The following GABRG1 variants were observed in gnomAD, a reference collection of about 807,000 sequenced individuals.
GABRG1 encodes gamma-aminobutyric acid type A receptor subunit gamma1.
A neutral mutation model predicts 49.8 loss-of-function variants in GABRG1; 49 were observed. The observed-to-expected ratio is 0.98, with a 90% CI of 0.78 to 1.25. The LOEUF (loss-of-function observed/expected upper bound fraction) is 1.25, where lower values mean the gene tolerates loss of function less well. Among genes scored for constraint, GABRG1 ranks in the 50% most tolerant of loss-of-function variants. GABRG1 has a pLI of 0.00. For missense variants in GABRG1, 552 were observed against 552.3 expected (o/e 1.00, Z 0.01); for synonymous variants, 232 against 185.1 (o/e 1.25, Z -2.06).
intron 2 of GABRG1, among the ~76,000 whole-genome samples, chr4:46,090,338 C>A (rs1719933174): frequency 1.3e-5 from 2 of 151,834 alleles, no homozygotes; most frequent in Admixed American, 6.6e-5. Context: ...ATAAATGTAC[C>A]TAAAATGCAA....
chr4:46,058,750 T>C lies in GABRG1; in HGVS notation c.626-128A>G, dbSNP rs186085785. ...ATTACAAGATATGCCAAACATAGAA[T>C]ATTTGAATACAATAAATATTAATAA... is the stretch of plus-strand genomic sequence containing the variant. On this transcript the variant is annotated intron_variant, in intron 5 of 8. Transcript: ENST00000295452. The C allele has an allele frequency of 4.4e-4, 290 of 665,910 alleles. 2 individuals are homozygous for C. The East Asian group carries it at 6.6e-3, about 15-fold the overall frequency. The allele number at this position is 665,910 out of a possible 1,614,324, so 41.3% of individuals were successfully genotyped here.
intron 5 of GABRG1, 112 bp from the exon 6 acceptor site, chr4:46,058,734 T>C (rs1718554200): frequency 1.3e-6 from 1 of 744,768 alleles, no homozygotes; most frequent in Non-Finnish European, 2.2e-6. Flanking sequence ...TATTACAAGA[T>C]ATGCCAAACA....
rs1717768617 is a variant in GABRG1, at chr4:46,041,222, C to G, written c.1164G>C (p.Leu388=). The part of the protein sequence containing the change: ...MTPGLHPGST[L]IPMNNISVPQ... ...GCACAGAAATATTATTCATTGGAATCAGAGTGGATCCAGGATGGAGACCAG... is the reference window on the plus strand; with the variant it reads ...GCACAGAAATATTATTCATTGGAATGAGAGTGGATCCAGGATGGAGACCAG... Residue 388 remains leucine, a synonymous_variant, in exon 9 of 9, where the codon CTG becomes CTC. Transcript: ENST00000295452. The G allele has an allele frequency of 2.5e-6, 4 of 1,612,476 alleles. No individual in the cohort carries two copies. Among genetic ancestry groups the G allele is most frequent in the Non-Finnish European group, 3.4e-6 (4 of 1,179,102 alleles).
chr4:46,076,278 A>C (rs980370975), intron 3 of GABRG1, among the ~76,000 whole-genome samples: 2 of 149,018 alleles, frequency 1.3e-5, no homozygotes, highest in Admixed American at 1.4e-4. Context: ...CATTCAACTA[A>C]CATATGTATC....
chr4:46,080,732 T>G (rs1719532909), intron 3 of GABRG1, among the ~76,000 whole-genome samples: 1 of 151,828 alleles, frequency 6.6e-6, no homozygotes, highest in Admixed American at 6.6e-5. Context: ...TATTTTTATT[T>G]AATATATTCA....
chr4:46,109,800 A>T (rs1720664091), intron 1 of GABRG1, among the ~76,000 whole-genome samples: 1 of 151,012 alleles, frequency 6.6e-6, no homozygotes, highest in Non-Finnish European at 1.5e-5. Context: ...AAGTTGTTTA[A>T]TTTCCATATA....
At chr4:46,048,897 A>C (rs1718108890) in intron 8 of GABRG1, among the ~76,000 whole-genome samples, 1 of 151,952 alleles carries the variant, frequency 6.6e-6, no homozygotes, top group South Asian at 2.1e-4. Flanking sequence ...TCTTCCAAAA[A>C]AAACTGAACA....
At chr4:46,120,536 T>C (rs1482092060) in intron 1 of GABRG1, among the ~76,000 whole-genome samples, 1 of 151,668 alleles carries the variant, frequency 6.6e-6, no homozygotes, top group Non-Finnish European at 1.5e-5. Flanking sequence ...TTCCTCTCAG[T>C]CTTTTGCATA....
Position 46,084,012 on chromosome 4 carries a change from T to C in GABRG1, c.295A>G (p.Ile99Val). The C allele has an allele frequency of 6.3e-7, 1 of 1,582,318 alleles. No homozygotes were observed. Among genetic ancestry groups the C allele is most frequent in the Non-Finnish European group, 8.6e-7 (1 of 1,157,670 alleles). The change falls in exon 3 of 9, where the codon ATT becomes GTT. Residue 99 changes from isoleucine to valine, a missense_variant. Coordinates refer to ENST00000295452, the MANE Select transcript of GABRG1 (RefSeq NM_173536.4). ...ATATTAATTGGATCAACTGGTCCAATGCTGTTTACATAAACATCAGTTTCA... is the reference window on the plus strand; with the variant it reads ...ATATTAATTGGATCAACTGGTCCAACGCTGTTTACATAAACATCAGTTTCA... Reference protein sequence around the residue: ...VIETDVYVNSIGPVDPINMEY... With the variant: ...VIETDVYVNSVGPVDPINMEY...
At chr4:46,093,543 G>A (rs560924269) in intron 2 of GABRG1, among the ~76,000 whole-genome samples, 7 of 151,844 alleles carry the variant, frequency 4.6e-5, no homozygotes, top group Admixed American at 6.6e-5. Context: ...ATAGCAGGGT[G>A]ACTACAGTCA....
intron 1 of GABRG1, among the ~76,000 whole-genome samples, chr4:46,109,682 G>A (rs561361755): frequency 6.6e-6 from 1 of 151,028 alleles, no homozygotes; most frequent in Non-Finnish European, 1.5e-5. Context: ...CACTGCTTTT[G>A]CAGCATAACA....
chr4:46,046,528 A>G (rs549062253), intron 8 of GABRG1, among the ~76,000 whole-genome samples: 118 of 152,234 alleles, frequency 7.8e-4, no homozygotes, highest in African/African-American at 2.0e-3. Context: ...GAAAGAATCT[A>G]TAAGTTGTGA....
intron 7 of GABRG1, among the ~76,000 whole-genome samples, chr4:46,055,804 G>C (rs1718398713): frequency 3.7e-4 from 1 of 2,696 alleles, no homozygotes; most frequent in South Asian, 5.5e-3. Context: ...TCCTTTGTAG[G>C]GACATGGATG....
intron 7 of GABRG1, among the ~76,000 whole-genome samples, chr4:46,056,123 GGA>G (rs1718417408): frequency 2.3e-4 from 1 of 4,272 alleles, no homozygotes; most frequent in Non-Finnish European, 4.4e-4. Flanking sequence ...AAAAAAGAAA[GGA>G]AAAAAAAAAA....
At chr4:46,046,287 T>C (rs1275291904) in intron 8 of GABRG1, among the ~76,000 whole-genome samples, 1 of 152,094 alleles carries the variant, frequency 6.6e-6, no homozygotes, top group Non-Finnish European at 1.5e-5. Context: ...TTAAGCAGTG[T>C]TCTTTGGTAG....
At chr4:46,117,539 A>C (rs1298570961) in intron 1 of GABRG1, among the ~76,000 whole-genome samples, 1 of 136,288 alleles carries the variant, frequency 7.3e-6, no homozygotes, top group Non-Finnish European at 1.6e-5. Context: ...CAAGATGGTA[A>C]TGTTATCTCT....
chr4:46,057,601 T>C (rs1718501956), intron 7 of GABRG1, among the ~76,000 whole-genome samples: 1 of 152,120 alleles, frequency 6.6e-6, no homozygotes, highest in Non-Finnish European at 1.5e-5. Flanking sequence ...ATAGTAAAAG[T>C]CTATTTTGTC....
chr4:46,117,986 A>G (rs1413872152), intron 1 of GABRG1, among the ~76,000 whole-genome samples: 1 of 98,212 alleles, frequency 1.0e-5, no homozygotes, highest in Non-Finnish European at 1.9e-5. Context: ...ATACATGTGT[A>G]TCTATATACA....
At chr4:46,074,472 T>C (rs1719251158) in intron 3 of GABRG1, among the ~76,000 whole-genome samples, 2 of 152,242 alleles carry the variant, frequency 1.3e-5, no homozygotes, top group Middle Eastern at 3.4e-3. Context: ...GCTGCTTCTG[T>C]TTACCTGAGG....
Sources: allele counts gnomAD v4.1 joint callset (sites outside exome capture counted in the v4.1 genomes callset), GRCh38; gene constraint gnomAD v4.1.1; transcripts MANE v1.5; gene names NCBI Gene and HGNC (gene_info 2026-07-23, HGNC 2026-07-21).